Variants in PAG1 observed in about 807,000 individuals in gnomAD.
The protein encoded by PAG1 is phosphoprotein membrane anchor with glycosphingolipid microdomains 1, also known as phosphoprotein associated with glycosphingolipid-enriched microdomains 1.
PAG1 carries 23 observed loss-of-function variants against 31.7 expected under a neutral mutation model. That is an observed-to-expected ratio of 0.73 (90% CI 0.52 to 1.03). The LOEUF is 1.03. Among genes scored for constraint, PAG1 ranks in the 50% least tolerant of loss-of-function variants. PAG1 has a pLI of 0.00. For synonymous variants in PAG1, 214 were observed against 210.3 expected (o/e 1.02, Z -0.15); for missense variants, 473 against 540.7 (o/e 0.87, Z 1.24).
chr8:81,051,330 A>G (rs1225060377), intron 2 of PAG1, among the ~76,000 whole-genome samples: 1 of 152,232 alleles, frequency 6.6e-6, no homozygotes, highest in Non-Finnish European at 1.5e-5. Context: ...GATTTTTGAA[A>G]CCATCAGCCC....
rs1476201774 is a variant in PAG1, at chr8:80,972,578, T to C, written c.*3966A>G. The C allele has an allele frequency of 6.6e-6, 1 of 152,264 alleles. No individual in the cohort carries two copies. The highest frequency in any genetic ancestry group is 1.5e-5 in the Non-Finnish European group (1 of 68,052). The allele number at this position is 152,264 out of a possible 1,614,324, so 9.4% of individuals were successfully genotyped here. A position where few individuals can be genotyped will look rare whatever the true frequency, so the allele number is the denominator to read the frequency against. ...TGGCTTCGTCCTGGCTCAAGGTTACTAGTCTCTTGCTGCTTTGGGCCAAAT... is the reference window on the plus strand; with the variant it reads ...TGGCTTCGTCCTGGCTCAAGGTTACCAGTCTCTTGCTGCTTTGGGCCAAAT... On this transcript the variant is annotated 3_prime_UTR_variant, in exon 9 of 9. Transcript: ENST00000220597.
chr8:80,992,260 T>C (rs937166770), intron 4 of PAG1, among the ~76,000 whole-genome samples: 2 of 152,170 alleles, frequency 1.3e-5, no homozygotes, highest in East Asian at 3.8e-4. Context: ...TGGGCAGGGA[T>C]TAGGAGGCTA....
rs373518646 is a variant in PAG1, at chr8:81,074,677, T to G, written c.-233-4507A>C. 5.3e-5 allele frequency among the ~76,000 whole-genome samples: 8 copies of G among 152,158 alleles called. No individual in the cohort carries two copies. The East Asian group carries it at 9.6e-4, about 18-fold the overall frequency. On this transcript the variant is annotated intron_variant, in intron 1 of 8. Coordinates refer to ENST00000220597, the MANE Select transcript of PAG1 (RefSeq NM_018440.4). ...CTACCTCAGATCTACTGAATCAGAC[T>G]CTGCATTCTAATAAGACCCCCAGGT... is the stretch of plus-strand genomic sequence containing the variant.
At chr8:81,045,141 T>C (rs79680384) in intron 2 of PAG1, among the ~76,000 whole-genome samples, 2,664 of 152,250 alleles carry the variant, frequency 0.017, 76 homozygotes, top group African/African-American at 0.059. Flanking sequence ...GCCATAAAAA[T>C]ATAACAACTA....
At chr8:81,099,666 G>C (rs1304020152) in intron 1 of PAG1, among the ~76,000 whole-genome samples, 1 of 152,214 alleles carries the variant, frequency 6.6e-6, no homozygotes, top group Non-Finnish European at 1.5e-5. Context: ...CAGAAAGTGA[G>C]ACAGAAAAGA....
intron 8 of PAG1, among the ~76,000 whole-genome samples, chr8:80,978,437 TA>T (rs1478743070): frequency 1.4e-4 from 21 of 152,170 alleles, no homozygotes; most frequent in African/African-American, 5.1e-4. Flanking sequence ...GGACAGATTA[TA>T]AAAAGGTAAA....
intron 3 of PAG1, among the ~76,000 whole-genome samples, chr8:81,018,915 C>T (rs1448816147): frequency 1.3e-5 from 2 of 152,142 alleles, no homozygotes; most frequent in Admixed American, 1.3e-4. Context: ...TTGGAGGGCT[C>T]AGAAGAAGAT....
chr8:81,109,701 G>T (rs1485478568), intron 1 of PAG1, among the ~76,000 whole-genome samples: 1 of 152,214 alleles, frequency 6.6e-6, no homozygotes, highest in East Asian at 1.9e-4. Context: ...TAATATGCCA[G>T]ATACTGGCCC....
At chr8:80,991,223 T>G (rs1257731925) in intron 5 of PAG1, among the ~76,000 whole-genome samples, 1 of 152,232 alleles carries the variant, frequency 6.6e-6, no homozygotes, top group Non-Finnish European at 1.5e-5. Flanking sequence ...CCACCCTGTT[T>G]GCGGTCCTTT....
chr8:81,077,152 C>T (rs1809192349), intron 1 of PAG1, among the ~76,000 whole-genome samples: 1 of 152,224 alleles, frequency 6.6e-6, no homozygotes, highest in Admixed American at 6.5e-5. Context: ...GTTAGAAAGG[C>T]AAACCCTGGG....
intron 6 of PAG1, among the ~76,000 whole-genome samples, chr8:80,985,912 C>G (rs1466506765): frequency 2.0e-5 from 3 of 152,060 alleles, no homozygotes; most frequent in South Asian, 4.1e-4. Context: ...GCACCTCATA[C>G]CTTGCTTCCA....
chr8:80,984,398 G>A (rs187129105), intron 7 of PAG1, among the ~76,000 whole-genome samples: 1 of 152,056 alleles, frequency 6.6e-6, no homozygotes, highest in Non-Finnish European at 1.5e-5. Flanking sequence ...TGGGGATCCT[G>A]GAAGGGGAAA....
Position 80,975,399 on chromosome 8 carries a change from A to G in PAG1, c.*1145T>C, listed in dbSNP as rs1429921059. On this transcript the variant is annotated 3_prime_UTR_variant, in exon 9 of 9. Transcript: ENST00000220597. ...AAAAGGAGAGTATAAATCATTGTAC[A>G]TAAAATCAAAATAGCTAATATACAT... 2.0e-5 allele frequency: 3 copies of G among 152,266 alleles called. No homozygotes were observed. Among genetic ancestry groups the G allele is most frequent in the Non-Finnish European group, 4.4e-5 (3 of 68,052 alleles). The allele number at this position is 152,266 out of a possible 1,614,324, so 9.4% of individuals were successfully genotyped here. A position where few individuals can be genotyped will look rare whatever the true frequency, so the allele number is the denominator to read the frequency against.
At chr8:81,007,053 C>T (rs889426330) in intron 3 of PAG1, among the ~76,000 whole-genome samples, 1 of 152,080 alleles carries the variant, frequency 6.6e-6, no homozygotes, top group African/African-American at 2.4e-5. Flanking sequence ...CAGCCCTGCC[C>T]CCTTCACTTC....
At chr8:81,079,327 G>A (rs1343639547) in intron 1 of PAG1, among the ~76,000 whole-genome samples, 3 of 151,814 alleles carry the variant, frequency 2.0e-5, no homozygotes, top group Non-Finnish European at 4.4e-5. Flanking sequence ...CTCCTCGACT[G>A]GAAAAAAACA....
chr8:81,066,784 GAT>G (rs1364239094), intron 2 of PAG1, among the ~76,000 whole-genome samples: 1 of 152,164 alleles, frequency 6.6e-6, no homozygotes, highest in East Asian at 1.9e-4. Context: ...GCAAAATCTT[GAT>G]ACTCTGTGAA....
chr8:81,092,699 T>C (rs1271932781), intron 1 of PAG1, among the ~76,000 whole-genome samples: 3 of 152,242 alleles, frequency 2.0e-5, no homozygotes, highest in Non-Finnish European at 2.9e-5. Flanking sequence ...CCACCTCATA[T>C]AGAAAAAATA....
intron 7 of PAG1, among the ~76,000 whole-genome samples, chr8:80,981,300 T>G (rs1418584758): frequency 6.6e-6 from 1 of 152,010 alleles, no homozygotes; most frequent in Non-Finnish European, 1.5e-5. Flanking sequence ...GACCCATTCA[T>G]GCTTTCAAAG....
In PAG1 at chr8:80,993,140, T is replaced by C. The variant is rs1264561947; in HGVS notation, c.88A>G (p.Ile30Val). ...SLAAVAIFFV[I>V]TFLIFLCSSC... ...GAGCACAGGAAGATGAGGAAGGTGA[T>C]GACGAAGAAAATGGCGACAGCAGCC... is the stretch of plus-strand genomic sequence containing the variant. The change falls in exon 4 of 9, where the codon ATC becomes GTC. Residue 30 changes from isoleucine to valine, a missense_variant. Coordinates refer to ENST00000220597, the MANE Select transcript of PAG1 (RefSeq NM_018440.4). The C allele has an allele frequency of 6.2e-7, 1 of 1,613,708 alleles. No homozygotes were observed. Among genetic ancestry groups the C allele is most frequent in the Non-Finnish European group, 8.5e-7 (1 of 1,179,886 alleles).
Sources: gnomAD v4.1 joint callset for allele counts (sites outside exome capture counted in the v4.1 genomes callset) on GRCh38, gnomAD v4.1.1 for gene constraint, MANE v1.5 for transcripts, NCBI Gene and HGNC (gene_info 2026-07-23, HGNC 2026-07-21) for gene names.